KCNQ3: variants seen among roughly 807,000 people sequenced by gnomAD.
KCNQ3 encodes potassium voltage-gated channel subfamily KQT member 3.
Under a neutral mutation model 92.5 loss-of-function variants are expected in KCNQ3, and 30 were observed. The ratio of observed to expected loss-of-function variants is 0.32; its 90% CI spans 0.24 to 0.44. The LOEUF is 0.44. Among genes scored for constraint, KCNQ3 ranks in the 20% least tolerant of loss-of-function variants. The pLI, the probability that KCNQ3 is intolerant of heterozygous loss-of-function variation, is 1.00. For missense variants in KCNQ3, 913 were observed against 1,140.3 expected (o/e 0.80, Z 2.87); for synonymous variants, 450 against 468.8 (o/e 0.96, Z 0.52).
intron 1 of KCNQ3, among the ~76,000 whole-genome samples, chr8:132,211,128 GC>G (rs2130299279): frequency 6.6e-6 from 1 of 152,240 alleles, no homozygotes; most frequent in South Asian, 2.1e-4. Flanking sequence ...CATGTGGCCA[GC>G]TTTGATCAAA....
intron 1 of KCNQ3, among the ~76,000 whole-genome samples, chr8:132,354,509 C>T (rs1818962236): frequency 6.6e-6 from 1 of 152,120 alleles, no homozygotes; most frequent in Non-Finnish European, 1.5e-5. Flanking sequence ...CTGACATTTT[C>T]ATCTCCATTT....
At chr8:132,305,570 G>A (rs1444656210) in intron 1 of KCNQ3, among the ~76,000 whole-genome samples, 1 of 152,084 alleles carries the variant, frequency 6.6e-6, no homozygotes. Context: ...GCTTCAACAG[G>A]AGGCAACCAC....
At chr8:132,263,238 G>C (rs1269071655) in intron 1 of KCNQ3, among the ~76,000 whole-genome samples, 1 of 152,268 alleles carries the variant, frequency 6.6e-6, no homozygotes, top group East Asian at 1.9e-4. Context: ...CTCTGTCCCT[G>C]GCAACTGCCT....
chr8:132,197,913 TA>T (rs1442551732), intron 1 of KCNQ3, among the ~76,000 whole-genome samples: 3 of 152,178 alleles, frequency 2.0e-5, no homozygotes, highest in Non-Finnish European at 4.4e-5. Flanking sequence ...AGGAAAAGAT[TA>T]AATATTTCAG....
chr8:132,392,790 CAAAAAAAAAAAAAAA>C (rs56183412), intron 1 of KCNQ3, among the ~76,000 whole-genome samples: 2 of 72,638 alleles, frequency 2.8e-5, no homozygotes, highest in South Asian at 1.2e-3. Flanking sequence ...GAACCTGTCT[CAAAAAAAAAAAAAAA>C]AAAAAAAAAG....
intron 1 of KCNQ3, among the ~76,000 whole-genome samples, chr8:132,396,290 C>T (rs1026648778): frequency 3.3e-5 from 5 of 151,998 alleles, no homozygotes; most frequent in Admixed American, 6.5e-5. Flanking sequence ...CTAACCACTA[C>T]GTACACTGAC....
intron 1 of KCNQ3, among the ~76,000 whole-genome samples, chr8:132,220,824 T>C (rs2130336385): frequency 6.6e-6 from 1 of 150,414 alleles, no homozygotes; most frequent in Non-Finnish European, 1.5e-5. Context: ...TTTTTTATTT[T>C]TTTTATTATA....
intron 1 of KCNQ3, among the ~76,000 whole-genome samples, chr8:132,358,980 T>C (rs925732248): frequency 6.6e-6 from 1 of 152,204 alleles, no homozygotes; most frequent in African/African-American, 2.4e-5. Context: ...TCCCTCTCCA[T>C]TGCTGGAATT....
intron 1 of KCNQ3, among the ~76,000 whole-genome samples, chr8:132,402,614 T>C (rs1191705172): frequency 2.0e-5 from 3 of 152,192 alleles, no homozygotes. Context: ...AGTAAAACTA[T>C]TCTGTAGGAT....
Position 132,480,337 on chromosome 8 carries a change from T to A in KCNQ3, c.196A>T (p.Thr66Ser). 1.9e-6 allele frequency: 3 copies of A among 1,598,880 alleles called. No homozygotes were observed. The highest frequency in any genetic ancestry group is 8.5e-7 in the Non-Finnish European group (1 of 1,175,340). ...CGGCCGCCGCCCTCCAGCAGCAGGG[T>A]CCCGTCTTTGTCGGCTCCGGCCCCG... ...ALGAGADKDGTLLLEGGGRDE... is the reference protein window; with the variant it reads ...ALGAGADKDGSLLLEGGGRDE... The change falls in exon 1 of 15, where the codon ACC becomes TCC. Residue 66 changes from threonine (T) to serine (S), a missense_variant. Physicochemically the swap from Thr to Ser is moderately conservative, Grantham distance 58. Transcript: ENST00000388996.
At chr8:132,437,200 AC>A (rs1186577805) in intron 1 of KCNQ3, among the ~76,000 whole-genome samples, 1 of 150,692 alleles carries the variant, frequency 6.6e-6, no homozygotes, top group Non-Finnish European at 1.5e-5. Flanking sequence ...AATGGCGTGA[AC>A]CCCAGGGGGC....
At chr8:132,243,738 A>G (rs1457473725) in intron 1 of KCNQ3, among the ~76,000 whole-genome samples, 3 of 152,240 alleles carry the variant, frequency 2.0e-5, no homozygotes, top group Non-Finnish European at 2.9e-5. Context: ...AAAGTATCTA[A>G]TGGTTTGATG....
chr8:132,278,207 A>G, intron 1 of KCNQ3: 4 of 985,298 alleles, frequency 4.1e-6, no homozygotes, highest in Non-Finnish European at 4.8e-6. Flanking sequence ...TAGGATGGTA[A>G]GACCAAAGAC....
chr8:132,178,150 A>G (rs1486705732), intron 4 of KCNQ3, among the ~76,000 whole-genome samples: 3 of 152,266 alleles, frequency 2.0e-5, no homozygotes, highest in East Asian at 1.9e-4. Flanking sequence ...AATTTTTAGC[A>G]CCAGTGTTGA....
At chr8:132,186,668 T>C (rs1335728892) in intron 1 of KCNQ3, 2 of 293,876 alleles carry the variant, frequency 6.8e-6, no homozygotes, top group Non-Finnish European at 1.3e-5. Context: ...TGACCAAGTA[T>C]GAATATTGTC....
chr8:132,316,148 T>A (rs765471049), intron 1 of KCNQ3, among the ~76,000 whole-genome samples: 5 of 152,172 alleles, frequency 3.3e-5, no homozygotes, highest in African/African-American at 1.2e-4. Flanking sequence ...TGTCCCCAGA[T>A]AAGCCATCGT....
intron 4 of KCNQ3, among the ~76,000 whole-genome samples, chr8:132,178,229 G>A (rs539514846): frequency 2.0e-5 from 3 of 152,250 alleles, no homozygotes; most frequent in African/African-American, 7.2e-5. Flanking sequence ...TTTTATTAAC[G>A]TGTCCTTTGA....
At chr8:132,311,366 G>A (rs1210697815) in intron 1 of KCNQ3, among the ~76,000 whole-genome samples, 1 of 20,484 alleles carries the variant, frequency 4.9e-5, no homozygotes, top group East Asian at 1.6e-3. Flanking sequence ...TAGAAACTGA[G>A]AAAAGAGATT....
intron 1 of KCNQ3, among the ~76,000 whole-genome samples, chr8:132,299,564 CAAAT>C (rs1817151638): frequency 6.6e-6 from 1 of 151,894 alleles, no homozygotes; most frequent in African/African-American, 2.4e-5. Context: ...AATAAATGAA[CAAAT>C]AAATAAAGTG....
Sources: allele counts gnomAD v4.1 joint callset (sites outside exome capture counted in the v4.1 genomes callset), GRCh38; gene constraint gnomAD v4.1.1; transcripts MANE v1.5; gene names NCBI Gene and HGNC (gene_info 2026-07-23, HGNC 2026-07-21).